Variants in RAD51B observed in about 807,000 individuals in gnomAD.
RAD51B encodes RAD51 paralog B.
In RAD51B, 38 loss-of-function variants were observed where a neutral mutation model predicts 42.2. That is an observed-to-expected ratio of 0.90 (90% CI 0.70 to 1.18). The LOEUF is 1.18. Ranked by LOEUF, RAD51B falls within the 50% of genes most tolerant of loss-of-function variation. RAD51B has a pLI of 0.00. For synonymous variants in RAD51B, 154 were observed against 145.2 expected, an observed-to-expected ratio of 1.06 and a Z score of -0.43; for missense variants, 373 against 400.7, an observed-to-expected ratio of 0.93 and a Z score of 0.59.
intron 9 of RAD51B, among the ~76,000 whole-genome samples, chr14:68,429,640 G>A (rs2084948784): frequency 6.6e-6 from 1 of 152,134 alleles, no homozygotes; most frequent in Admixed American, 6.5e-5. Flanking sequence ...TGTAGATTGT[G>A]GATATTAGCC....
At chr14:67,828,887 T>A (rs1217785691) in intron 3 of RAD51B, among the ~76,000 whole-genome samples, 1 of 152,128 alleles carries the variant, frequency 6.6e-6, no homozygotes, top group Non-Finnish European at 1.5e-5. Flanking sequence ...GTTACTAGAG[T>A]CTTGTAGTAT....
At chr14:67,856,101 G>A (rs1595009626) in intron 4 of RAD51B, among the ~76,000 whole-genome samples, 1 of 152,262 alleles carries the variant, frequency 6.6e-6, no homozygotes, top group South Asian at 2.1e-4. Flanking sequence ...CCTTAATACT[G>A]TTTGATTTTT....
chr14:68,073,230 A>G (rs2076781948), intron 7 of RAD51B, among the ~76,000 whole-genome samples: 2 of 152,092 alleles, frequency 1.3e-5, no homozygotes, highest in Admixed American at 6.5e-5. Context: ...TATATTTAGG[A>G]TTGTTAAGAC....
At position 67,925,390 on chromosome 14, in the gene RAD51B, A is replaced by G. The variant is rs573436819; in HGVS notation, c.756+38186A>G. ...TGAGTTCAAGCAATTCTCCTGCCTC[A>G]GCCTCCCGAGTAGCCGGGACTACAG... On this transcript the variant is annotated intron_variant, in intron 7 of 10. Transcript: ENST00000471583. Among the ~76,000 whole-genome samples the G allele has an allele frequency of 5.3e-5, 8 of 152,112 alleles. No individual in the cohort carries two copies. The East Asian group carries it at 1.6e-3, about 30-fold the overall frequency.
intron 10 of RAD51B, among the ~76,000 whole-genome samples, chr14:68,629,028 C>T (rs115056470): frequency 9.4e-4 from 143 of 152,316 alleles, no homozygotes; most frequent in African/African-American, 3.2e-3. Flanking sequence ...AAGTTCGGGG[C>T]TCGAGAGACG....
chr14:68,678,251 C>T (rs1893354748), intron 11 of RAD51B, among the ~76,000 whole-genome samples: 1 of 152,154 alleles, frequency 6.6e-6, no homozygotes, highest in Admixed American at 6.5e-5. Context: ...CCTGTTTTTG[C>T]AGTGAACACC....
At chr14:68,641,769 C>A (rs1030491151) in intron 10 of RAD51B, among the ~76,000 whole-genome samples, 3 of 151,518 alleles carry the variant, frequency 2.0e-5, no homozygotes, top group African/African-American at 7.3e-5. Flanking sequence ...CTATGTTGCC[C>A]AAGCTTGTCT....
intron 7 of RAD51B, among the ~76,000 whole-genome samples, chr14:68,234,536 A>T (rs543896505): frequency 6.6e-6 from 1 of 152,332 alleles, no homozygotes; most frequent in South Asian, 2.1e-4. Context: ...ACAGCCTGTT[A>T]TTCCTGGGCA....
At chr14:68,353,422 G>A (rs2082831042) in intron 8 of RAD51B, among the ~76,000 whole-genome samples, 1 of 152,228 alleles carries the variant, frequency 6.6e-6, no homozygotes, top group African/African-American at 2.4e-5. Context: ...GCCTCTATGT[G>A]TGTAGGTGAG....
intron 10 of RAD51B, among the ~76,000 whole-genome samples, chr14:68,578,704 C>G (rs1890076935): frequency 6.6e-6 from 1 of 152,170 alleles, no homozygotes; most frequent in Non-Finnish European, 1.5e-5. Flanking sequence ...GAAGGTGAAG[C>G]CCAAAATCCA....
chr14:68,536,234 C>G (rs1887609568), intron 10 of RAD51B, among the ~76,000 whole-genome samples: 1 of 152,122 alleles, frequency 6.6e-6, no homozygotes, highest in Non-Finnish European at 1.5e-5. Context: ...CTCCTAATTG[C>G]CAGCAATATC....
intron 7 of RAD51B, among the ~76,000 whole-genome samples, chr14:68,208,553 T>G (rs2079640473): frequency 6.6e-6 from 1 of 152,198 alleles, no homozygotes; most frequent in Non-Finnish European, 1.5e-5. Context: ...AATAAAGGGT[T>G]TAATTTTAGT....
chr14:68,343,287 AT>A (rs1258566891), intron 8 of RAD51B, among the ~76,000 whole-genome samples: 6 of 152,126 alleles, frequency 3.9e-5, no homozygotes, highest in African/African-American at 1.4e-4. Context: ...TTTTCTCTCA[AT>A]CCAAAGGTTG....
intron 9 of RAD51B, among the ~76,000 whole-genome samples, chr14:68,418,060 C>T (rs970819403): frequency 6.6e-6 from 1 of 152,130 alleles, no homozygotes; most frequent in African/African-American, 2.4e-5. Flanking sequence ...GTGAGAGAAC[C>T]ACCATGATGT....
intron 8 of RAD51B, among the ~76,000 whole-genome samples, chr14:68,362,757 G>A (rs922215168): frequency 6.6e-6 from 1 of 152,040 alleles, no homozygotes; most frequent in African/African-American, 2.4e-5. Flanking sequence ...GCTGAGGCAA[G>A]AGAATTGCTT....
intron 10 of RAD51B, chr14:68,562,456 G>A: frequency 1.0e-6 from 1 of 983,278 alleles, no homozygotes; most frequent in Non-Finnish European, 1.2e-6. Context: ...GTCAGCTGTG[G>A]GGGATTTTGT....
chr14:68,047,593 G>T (rs1595315286), intron 7 of RAD51B, among the ~76,000 whole-genome samples: 2 of 151,994 alleles, frequency 1.3e-5, no homozygotes, highest in East Asian at 3.9e-4. Flanking sequence ...CAGTTTCTTG[G>T]CCTGCTATTG....
chr14:68,338,892 T>A, intron 8 of RAD51B: 1 of 644,912 alleles, frequency 1.6e-6, no homozygotes, highest in Non-Finnish European at 2.9e-6. Context: ...CAAAGCTCCT[T>A]TGTCTTCCGA....
intron 8 of RAD51B, among the ~76,000 whole-genome samples, chr14:68,309,723 T>C (rs1445543165): frequency 6.6e-6 from 1 of 152,226 alleles, no homozygotes; most frequent in Non-Finnish European, 1.5e-5. Context: ...CATCTTTTAA[T>C]GCAGTGTTGT....
Sources: gnomAD v4.1 joint callset for allele counts (sites outside exome capture counted in the v4.1 genomes callset) on GRCh38, gnomAD v4.1.1 for gene constraint, MANE v1.5 for transcripts, NCBI Gene and HGNC (gene_info 2026-07-23, HGNC 2026-07-21) for gene names.